MXI1: variants seen among roughly 807,000 people sequenced by gnomAD.
MXI1 encodes the protein MAX interactor 1, dimerization protein.
Under a neutral mutation model 36.9 loss-of-function variants are expected in MXI1, and 18 were observed. That is an observed-to-expected ratio of 0.49 (90% CI 0.34 to 0.72). The LOEUF is 0.72. Ranked by LOEUF, MXI1 falls within the 30% of genes least tolerant of loss-of-function variation. MXI1 has a pLI of 0.01. For synonymous variants in MXI1, 160 were observed against 146.7 expected (o/e 1.09, Z -0.65); for missense variants, 304 against 379.1 (o/e 0.80, Z 1.64).
intron 3 of MXI1, among the ~76,000 whole-genome samples, chr10:110,266,114 C>CGT (rs1856669692): frequency 6.8e-6 from 1 of 146,910 alleles, no homozygotes; most frequent in Non-Finnish European, 1.5e-5. Flanking sequence ...TCTTTTCTTT[C>CGT]TTTTTTTTTT....
At chr10:110,210,315 T>A (rs1854479944) in intron 1 of MXI1, 3 of 984,296 alleles carry the variant, frequency 3.0e-6, no homozygotes, top group Non-Finnish European at 2.4e-6. Flanking sequence ...GTCAACTTCA[T>A]GTGCGTAATA....
chr10:110,208,951 C>T lies in MXI1; in HGVS notation c.274+869C>T, dbSNP rs966521063. 1.9e-3 allele frequency among the ~76,000 whole-genome samples: 283 copies of T among 152,292 alleles called. 2 individuals carry two copies. The highest frequency in any genetic ancestry group is 3.4e-3 in the Middle Eastern group (1 of 294). ...GGGAGACGGCTCTTGAGTGAGCGCACAGGGCAAGCAAGGCAAACGCCTTCC... is the reference window on the plus strand; with the variant it reads ...GGGAGACGGCTCTTGAGTGAGCGCATAGGGCAAGCAAGGCAAACGCCTTCC... On this transcript the variant is annotated intron_variant, in intron 1 of 5. Coordinates refer to ENST00000332674, the MANE Select transcript of MXI1 (RefSeq NM_130439.3).
intron 3 of MXI1, among the ~76,000 whole-genome samples, chr10:110,262,723 A>G (rs533685985): frequency 6.6e-5 from 10 of 152,288 alleles, no homozygotes; most frequent in Admixed American, 6.5e-4. Context: ...ATCATCTAGT[A>G]GAGTACTGAA....
chr10:110,266,114 C>CT (rs200154048), intron 3 of MXI1, among the ~76,000 whole-genome samples: 25,311 of 146,830 alleles, frequency 0.17, 3,052 homozygotes, highest in East Asian at 0.57. Context: ...TCTTTTCTTT[C>CT]TTTTTTTTTT....
intron 2 of MXI1, among the ~76,000 whole-genome samples, chr10:110,233,704 AGTCT>A (rs543127666): frequency 7.2e-5 from 11 of 152,074 alleles, no homozygotes; most frequent in Non-Finnish European, 1.5e-4. Context: ...GTTTTGTGAT[AGTCT>A]GTCTTCTACC....
intron 5 of MXI1, among the ~76,000 whole-genome samples, chr10:110,283,132 G>A (rs536792016): frequency 1.8e-4 from 27 of 152,264 alleles, no homozygotes; most frequent in African/African-American, 6.0e-4. Context: ...TGAATTCACA[G>A]ATTATTTGGA....
Position 110,246,676 on chromosome 10 carries a change from T to C in MXI1, c.437+1819T>C, listed in dbSNP as rs574405539. ...ATTTTGTATCCTCAGTGCCTAGCAT[T>C]TGAGGCATGTATAGGAGACAATGGC... is the stretch of plus-strand genomic sequence containing the variant. On this transcript the variant is annotated intron_variant, in intron 3 of 5. Transcript: ENST00000332674. Among the ~76,000 whole-genome samples the C allele has an allele frequency of 7.7e-4, 117 of 152,274 alleles. No homozygotes were observed. In the South Asian group the frequency reaches 0.024, roughly 31 times the overall value.
chr10:110,278,836 G>A (rs887317434), intron 3 of MXI1, among the ~76,000 whole-genome samples: 1 of 152,010 alleles, frequency 6.6e-6, no homozygotes, highest in African/African-American at 2.4e-5. Flanking sequence ...TCTCGCCTGT[G>A]GTTTTAGTTA....
chr10:110,269,605 A>G (rs1188441415), intron 3 of MXI1, among the ~76,000 whole-genome samples: 3 of 152,216 alleles, frequency 2.0e-5, no homozygotes, highest in Non-Finnish European at 4.4e-5. Context: ...TGTAGAAGAG[A>G]AGACTTAATT....
At chr10:110,254,223 T>A (rs1856202067) in intron 3 of MXI1, among the ~76,000 whole-genome samples, 2 of 152,172 alleles carry the variant, frequency 1.3e-5, no homozygotes, top group Non-Finnish European at 2.9e-5. Context: ...TTGCAATATT[T>A]TAAACTTTAT....
At chr10:110,247,740 G>A (rs1452675600) in intron 3 of MXI1, among the ~76,000 whole-genome samples, 1 of 152,176 alleles carries the variant, frequency 6.6e-6, no homozygotes, top group Non-Finnish European at 1.5e-5. Context: ...CTTTTACACT[G>A]TTGGTGGGAC....
intron 4 of MXI1, 92 bp downstream of exon 4, chr10:110,279,386 C>T (rs1023409735): frequency 4.9e-6 from 5 of 1,028,500 alleles, no homozygotes; most frequent in Admixed American, 3.9e-5. Flanking sequence ...AGCTAGTTCA[C>T]CATGCCCTCC....
chr10:110,273,269 G>A (rs532301213), intron 3 of MXI1, among the ~76,000 whole-genome samples: 19 of 151,616 alleles, frequency 1.3e-4, no homozygotes, highest in South Asian at 2.1e-4. Context: ...CAATGGTCTC[G>A]ATCTCCTGAC....
At chr10:110,284,293 T>C (rs1036600928) in intron 5 of MXI1, among the ~76,000 whole-genome samples, 1 of 152,154 alleles carries the variant, frequency 6.6e-6, no homozygotes, top group Admixed American at 6.5e-5. Flanking sequence ...TACTTTATAA[T>C]GACTTGTTTG....
At chr10:110,252,824 T>TTATTATG (rs1366727390) in intron 3 of MXI1, among the ~76,000 whole-genome samples, 2 of 152,028 alleles carry the variant, frequency 1.3e-5, no homozygotes, top group East Asian at 3.9e-4. Context: ...CTCTTGAGAG[T>TTATTATG]TCAGTTGACA....
At chr10:110,249,893 G>T (rs1160421611) in intron 3 of MXI1, among the ~76,000 whole-genome samples, 2 of 152,162 alleles carry the variant, frequency 1.3e-5, no homozygotes, top group Non-Finnish European at 2.9e-5. Context: ...AATTGCTGGT[G>T]AATGGCTAAG....
chr10:110,256,623 A>G (rs1856306848), intron 3 of MXI1, among the ~76,000 whole-genome samples: 1 of 151,352 alleles, frequency 6.6e-6, no homozygotes, highest in South Asian at 2.1e-4. Context: ...AAAAAAAAAA[A>G]AAAAAAGAAA....
At chr10:110,249,756 T>C (rs1856005532) in intron 3 of MXI1, among the ~76,000 whole-genome samples, 1 of 152,098 alleles carries the variant, frequency 6.6e-6, no homozygotes. Context: ...TACTGGATTA[T>C]GATATAAAAT....
chr10:110,225,950 GC>G lies in MXI1; in HGVS notation c.275-2235del, dbSNP rs999512753. The G allele has an allele frequency of 2.1e-5, 19 of 920,156 alleles. No homozygotes were observed. In the African/African-American group the frequency reaches 2.5e-4, roughly 12 times the overall value. The allele number at this position is 920,156 out of a possible 1,614,324, so 57.0% of individuals were successfully genotyped here. On this transcript the variant is annotated intron_variant, in intron 1 of 5. Transcript: ENST00000332674. ...CAGAGGCAGGGGCGGGAGGGGGCGG[GC>G]CCCGGCGCTGCTCCCGCCCCTCCCC...
Sources: allele counts gnomAD v4.1 joint callset (sites outside exome capture counted in the v4.1 genomes callset), GRCh38; gene constraint gnomAD v4.1.1; transcripts MANE v1.5; gene names NCBI Gene and HGNC (gene_info 2026-07-23, HGNC 2026-07-21).